Variants in TMEM131 observed in about 807,000 individuals in gnomAD.
TMEM131 encodes the protein 2610524E03Rik.
Under a neutral mutation model 211.6 loss-of-function variants are expected in TMEM131, and 66 were observed. The ratio of observed to expected loss-of-function variants is 0.31; its 90% CI spans 0.26 to 0.38. The LOEUF (loss-of-function observed/expected upper bound fraction) is 0.38. TMEM131 is among the 10% of genes least tolerant of loss of function. TMEM131 has a pLI of 1.00. For synonymous variants in TMEM131, 844 were observed against 841.3 expected, an observed-to-expected ratio of 1.00 and a Z score of -0.06; for missense variants, 2,036 against 2,299.3, an observed-to-expected ratio of 0.89 and a Z score of 2.34.
intron 11 of TMEM131, among the ~76,000 whole-genome samples, chr2:97,823,689 T>C (rs1486800469): frequency 2.6e-5 from 4 of 152,132 alleles, no homozygotes; most frequent in Non-Finnish European, 5.9e-5. Flanking sequence ...CTGGAAGGAC[T>C]AAGAAGAATT....
intron 1 of TMEM131, among the ~76,000 whole-genome samples, chr2:97,948,698 C>T (rs908720878): frequency 2.0e-5 from 3 of 152,038 alleles, no homozygotes; most frequent in African/African-American, 7.3e-5. Context: ...CGCGCTGTCG[C>T]CCAGGCTGGA....
intron 40 of TMEM131, 74 bp from the exon 41 acceptor site, chr2:97,757,457 C>T: frequency 6.8e-7 from 1 of 1,481,292 alleles, no homozygotes; most frequent in Non-Finnish European, 9.0e-7. Context: ...GGTAAGGCTA[C>T]AGAAAAGATG....
At chr2:97,875,608 C>T (rs11900903) in intron 4 of TMEM131, among the ~76,000 whole-genome samples, 3,753 of 152,216 alleles carry the variant, frequency 0.025, 166 homozygotes, top group African/African-American at 0.087. Context: ...CAACCTGCTC[C>T]TGAATGGCTA....
chr2:97,850,376 C>T (rs140237817), intron 5 of TMEM131, among the ~76,000 whole-genome samples: 46 of 152,106 alleles, frequency 3.0e-4, no homozygotes, highest in African/African-American at 5.3e-4. Flanking sequence ...TTAGAATTTG[C>T]GCTATATATC....
Position 97,886,408 on chromosome 2 carries a change from A to G in TMEM131, c.359+1644T>C, listed in dbSNP as rs566059624. ...CATTTCTTCCAATTTTATGGAGTAC[A>G]TTTCACAGGGAAAGACTTATTCTTA... On this transcript the variant is annotated intron_variant, in intron 4 of 40. Transcript: ENST00000186436. Among the ~76,000 whole-genome samples the G allele has an allele frequency of 3.3e-5, 5 of 152,110 alleles. No homozygotes were observed. The South Asian group carries it at 1.0e-3, about 32-fold the overall frequency.
At chr2:97,806,475 A>G (rs1681301950) in intron 19 of TMEM131, among the ~76,000 whole-genome samples, 1 of 152,170 alleles carries the variant, frequency 6.6e-6, no homozygotes, top group African/African-American at 2.4e-5. Context: ...CGGGAAGCGG[A>G]GGCTGCAGTG....
At chr2:97,846,723 G>A (rs983943380) in intron 5 of TMEM131, among the ~76,000 whole-genome samples, 2 of 151,924 alleles carry the variant, frequency 1.3e-5, no homozygotes, top group Non-Finnish European at 2.9e-5. Context: ...TGTGGCCCAA[G>A]ACAATTCTTC....
At chr2:97,905,106 A>G (rs1478612501) in intron 3 of TMEM131, among the ~76,000 whole-genome samples, 1 of 152,062 alleles carries the variant, frequency 6.6e-6, no homozygotes, top group African/African-American at 2.4e-5. Context: ...TTTCACCTCA[A>G]ATGGTTAACT....
intron 1 of TMEM131, among the ~76,000 whole-genome samples, chr2:97,947,020 T>C (rs750452720): frequency 2.0e-5 from 3 of 151,966 alleles, no homozygotes; most frequent in Non-Finnish European, 2.9e-5. Flanking sequence ...CATCCATTCA[T>C]GGTAAAAGAT....
chr2:97,793,597 G>A (rs1326363220), intron 29 of TMEM131, 44 bp from the exon 30 acceptor site: 1 of 1,541,960 alleles, frequency 6.5e-7, no homozygotes, highest in Non-Finnish European at 8.8e-7. Context: ...TCATTTGTTA[G>A]TAGACAAGCA....
chr2:97,992,868 C>T (rs1288192270), intron 1 of TMEM131, among the ~76,000 whole-genome samples: 9 of 152,158 alleles, frequency 5.9e-5, no homozygotes, highest in Admixed American at 2.0e-4. Context: ...ATTATAACAA[C>T]TTCTATCTCT....
chr2:97,762,047 C>T lies in TMEM131; in HGVS notation c.4877G>A (p.Ser1626Asn). 2 of 1,572,102 alleles carry T rather than the reference C, an allele frequency of 1.3e-6. No individual in the cohort carries two copies. The highest frequency in any genetic ancestry group is 1.2e-5 in the South Asian group (1 of 84,078). Residue 1626 changes from serine (S) to asparagine (N), a missense_variant, in exon 36 of 41, where the codon AGC becomes AAC. This residue lies in a region of TMEM131 where 1,623 missense variants were observed against 1,805.9 expected (regional missense o/e 0.90). Coordinates refer to ENST00000186436, the MANE Select transcript of TMEM131 (RefSeq NM_015348.2). The stretch of plus-strand genomic sequence containing the variant: ...GCAGCAGGCCTACCTGCTGGAGCTG[C>T]TGTTGACGATGCTGCTGTAGCTGCC... ...ARGSYSSIVN[S>N]SSSSDPKIKQ...
At chr2:97,929,252 A>T (rs1382463724) in intron 1 of TMEM131, among the ~76,000 whole-genome samples, 2 of 151,776 alleles carry the variant, frequency 1.3e-5, no homozygotes, top group Non-Finnish European at 2.9e-5. Context: ...GAGCTCCCAA[A>T]TGACCAAAGC....
chr2:97,946,639 C>T (rs536388782), intron 1 of TMEM131, among the ~76,000 whole-genome samples: 2 of 151,722 alleles, frequency 1.3e-5, no homozygotes, highest in Admixed American at 6.6e-5. Context: ...ATGTATTTAA[C>T]GATGAGTTCT....
At chr2:97,905,647 G>A (rs1366584186) in intron 3 of TMEM131, among the ~76,000 whole-genome samples, 1 of 152,176 alleles carries the variant, frequency 6.6e-6, no homozygotes, top group Non-Finnish European at 1.5e-5. Context: ...TGTCTAGGTT[G>A]TTCTTAATCC....
chr2:97,890,243 G>A (rs911294250), intron 3 of TMEM131, among the ~76,000 whole-genome samples: 1 of 152,220 alleles, frequency 6.6e-6, no homozygotes, highest in Non-Finnish European at 1.5e-5. Flanking sequence ...GCTACTTTGT[G>A]AAGTACCAAG....
chr2:97,915,599 G>GCC (rs1334060538), intron 2 of TMEM131, among the ~76,000 whole-genome samples: 1 of 152,044 alleles, frequency 6.6e-6, no homozygotes, highest in African/African-American at 2.4e-5. Flanking sequence ...TCTTCCCTTG[G>GCC]CCTCCCAAAG....
intron 1 of TMEM131, among the ~76,000 whole-genome samples, chr2:97,943,174 G>C (rs945686026): frequency 1.3e-5 from 2 of 152,090 alleles, no homozygotes; most frequent in Non-Finnish European, 2.9e-5. Flanking sequence ...CTTAAACCCA[G>C]AAGTCTGAAG....
intron 31 of TMEM131, among the ~76,000 whole-genome samples, chr2:97,790,149 TGG>T (rs1680432701): frequency 6.6e-6 from 1 of 152,140 alleles, no homozygotes; most frequent in Admixed American, 6.5e-5. Context: ...TGCAGGGGTG[TGG>T]GGGTAGGCTT....
Sources: gnomAD v4.1 joint callset for allele counts (sites outside exome capture counted in the v4.1 genomes callset) on GRCh38, gnomAD v4.1.1 for gene constraint, gnomAD v4.1.1 regional missense constraint, MANE v1.5 for transcripts, NCBI Gene and HGNC (gene_info 2026-07-23, HGNC 2026-07-21) for gene names.